The following CDH5 variants were observed in gnomAD, a reference collection of about 807,000 sequenced individuals.
CDH5 encodes the protein cadherin-5.
CDH5 carries 28 observed loss-of-function variants against 62.0 expected under a neutral mutation model. The ratio of observed to expected loss-of-function variants is 0.45; its 90% confidence interval spans 0.33 to 0.62. CDH5 has a LOEUF of 0.62. Among genes scored for constraint, CDH5 ranks in the 20% least tolerant of loss-of-function variants. CDH5 has a pLI of 0.02. For synonymous variants in CDH5, 464 were observed against 445.8 expected, an observed-to-expected ratio of 1.04 and a Z score of -0.52; for missense variants, 940 against 1,065.1, an observed-to-expected ratio of 0.88 and a Z score of 1.63.
rs907777703 is a variant in CDH5, at chr16:66,389,503, C to T, written c.762C>T (p.Asn254=). The change falls in exon 5 of 12, where the codon AAC becomes AAT. Residue 254 remains asparagine (N), a synonymous_variant. Coordinates refer to ENST00000341529, the MANE Select transcript of CDH5 (RefSeq NM_001795.5). The part of the protein sequence containing the change: ...VLVTLQDIND[N]FPFFTQTKYT... ...TCACTCTGCAAGACATCAATGACAA[C>T]TTCCCCTTCTTCACCCAGAGTGAGC... is the stretch of plus-strand genomic sequence containing the variant. 3 of 1,595,952 alleles carry T rather than the reference C, an allele frequency of 1.9e-6. No individual in the cohort carries two copies. The highest frequency in any genetic ancestry group is 1.7e-5 in the Admixed American group (1 of 58,922).
chr16:66,399,718 C>T (rs1275007477), intron 10 of CDH5, among the ~76,000 whole-genome samples: 2 of 152,166 alleles, frequency 1.3e-5, no homozygotes, highest in African/African-American at 4.8e-5. Flanking sequence ...AGATTCAGTG[C>T]CACCCCAAAG....
intron 1 of CDH5, among the ~76,000 whole-genome samples, chr16:66,373,342 A>C (rs1404896094): frequency 6.6e-6 from 1 of 152,082 alleles, no homozygotes. Flanking sequence ...TTTCCTCTGC[A>C]TCATGATGGG....
chr16:66,379,699 G>A, intron 2 of CDH5, 152 bp downstream of exon 2: 1 of 672,174 alleles, frequency 1.5e-6, no homozygotes, highest in Non-Finnish European at 2.6e-6. Flanking sequence ...TAGCAATAGT[G>A]GTAGAGGTCG....
Position 66,388,382 on chromosome 16 carries a change from C to T in CDH5, c.558C>T (p.His186=), listed in dbSNP as rs540880709. The T allele has an allele frequency of 1.1e-5, 17 of 1,614,040 alleles. No individual in the cohort carries two copies. Among genetic ancestry groups the T allele is most frequent in the East Asian group, 8.9e-5 (4 of 44,884 alleles). ...VDADDPTVGD[H]ASVMYQILKG... Reference sequence around the variant, plus strand: ...CAGACGACCCCACTGTGGGAGACCACGCCTCTGTCATGTACCAAATCCTGA... The same window carrying T: ...CAGACGACCCCACTGTGGGAGACCATGCCTCTGTCATGTACCAAATCCTGA... Residue 186 remains histidine (H), a synonymous_variant, in exon 4 of 12, where the codon CAC becomes CAT. Coordinates refer to ENST00000341529, the MANE Select transcript of CDH5 (RefSeq NM_001795.5).
At chr16:66,399,567 G>A (rs1472367398) in intron 10 of CDH5, among the ~76,000 whole-genome samples, 2 of 152,278 alleles carry the variant, frequency 1.3e-5, no homozygotes, top group Admixed American at 1.3e-4. Flanking sequence ...TGGAGAAGGT[G>A]GCCCTGATGT....
rs56865894 is a variant in CDH5 at position 66,385,988 on chromosome 16, A to G, written c.211-821A>G. On this transcript the variant is annotated intron_variant, in intron 2 of 11. Transcript: ENST00000341529. Reference sequence around the variant, plus strand: ...ACAGCAGAAGAGTTCAGTGTTTCCCAGAACTCATCTTCAAAAGTGCTGTTC... The same window carrying G: ...ACAGCAGAAGAGTTCAGTGTTTCCCGGAACTCATCTTCAAAAGTGCTGTTC... Among the ~76,000 whole-genome samples the G allele has an allele frequency of 2.4e-3, 372 of 152,352 alleles. 1 individual carries two copies. The highest frequency in any genetic ancestry group is 8.7e-3 in the African/African-American group (361 of 41,574).
chr16:66,388,423 T>G lies in CDH5; in HGVS notation c.599T>G (p.Phe200Cys). 1 of 1,609,934 alleles carries G rather than the reference T, an allele frequency of 6.2e-7. No individual in the cohort carries two copies. Residue 200 changes from phenylalanine (F) to cysteine (C), a missense_variant, in exon 4 of 12, where the codon TTT (phenylalanine) becomes TGT (cysteine). Coordinates refer to ENST00000341529, the MANE Select transcript of CDH5 (RefSeq NM_001795.5). Reference sequence around the variant, plus strand: ...CAAATCCTGAAGGGGAAAGAGTATTTTGCCATCGATAATTCTGGTCTGTGT... The same window carrying G: ...CAAATCCTGAAGGGGAAAGAGTATTGTGCCATCGATAATTCTGGTCTGTGT... The part of the protein sequence containing the change: ...MYQILKGKEY[F>C]AIDNSGRIIT...
At chr16:66,390,066 C>T (rs1363849151) in intron 5 of CDH5, among the ~76,000 whole-genome samples, 11 of 152,176 alleles carry the variant, frequency 7.2e-5, no homozygotes, top group Admixed American at 7.2e-4. Flanking sequence ...GTTCAGCCAC[C>T]CTAGAGACAG....
chr16:66,374,743 G>A (rs952419069), intron 1 of CDH5, among the ~76,000 whole-genome samples: 1 of 147,812 alleles, frequency 6.8e-6, no homozygotes, highest in Non-Finnish European at 1.5e-5. Flanking sequence ...TATTCTGAAT[G>A]TGTTAGTTTT....
rs1471232402 is a variant in CDH5 at position 66,400,818 on chromosome 16, C to G, written c.1639C>G (p.His547Asp). Residue 547 changes from histidine (H) to aspartate (D), a missense_variant, in exon 11 of 12, where the codon CAT (histidine) becomes GAT (aspartate). Physicochemically the swap from His to Asp is moderately conservative, Grantham distance 81. Coordinates refer to ENST00000341529, the MANE Select transcript of CDH5 (RefSeq NM_001795.5). ...TVKYGQFDRE[H>D]TKVHFLPVVI... ...CAAGTATGGGCAGTTTGACCGGGAGCATACCAAGGTCCACTTCCTACCCGT... is the reference window on the plus strand; with the variant it reads ...CAAGTATGGGCAGTTTGACCGGGAGGATACCAAGGTCCACTTCCTACCCGT... 6.2e-7 allele frequency: 1 copy of G among 1,614,080 alleles called. No homozygotes were observed. The highest frequency in any genetic ancestry group is 1.3e-5 in the African/African-American group (1 of 74,938).
In CDH5 at chr16:66,373,009, A is replaced by G. The variant is rs531008571; in HGVS notation, c.-20+6251A>G. ...GGTACCTGGCCTCGGCGTGCTCAGAACCTACATCTGAGTTGCCAAGCGTGG... is the reference window on the plus strand; with the variant it reads ...GGTACCTGGCCTCGGCGTGCTCAGAGCCTACATCTGAGTTGCCAAGCGTGG... On this transcript the variant is annotated intron_variant, in intron 1 of 11. Coordinates refer to ENST00000341529, the MANE Select transcript of CDH5 (RefSeq NM_001795.5). 1.8e-3 allele frequency among the ~76,000 whole-genome samples: 273 copies of G among 152,246 alleles called. 2 individuals carry two copies. The highest frequency in any genetic ancestry group is 6.3e-3 in the African/African-American group (263 of 41,566).
At chr16:66,397,844 C>T in intron 8 of CDH5, 138 bp from the exon 9 acceptor site, 2 of 873,002 alleles carry the variant, frequency 2.3e-6, no homozygotes, top group Non-Finnish European at 1.8e-6. Context: ...TTATCCAGAA[C>T]ACCATCCTGG....
At chr16:66,380,789 A>G (rs906419505) in intron 2 of CDH5, among the ~76,000 whole-genome samples, 7 of 149,722 alleles carry the variant, frequency 4.7e-5, no homozygotes, top group African/African-American at 1.8e-4. Flanking sequence ...GGTGGTGATG[A>G]TGGTGGTGGT....
chr16:66,395,502 T>C (rs933087937), intron 7 of CDH5: 1 of 118,668 alleles, frequency 8.4e-6, no homozygotes, highest in East Asian at 2.6e-4. Flanking sequence ...ACTTTTCTTT[T>C]CTTTTTTTTT....
intron 4 of CDH5, 78 bp from the exon 5 acceptor site, chr16:66,389,280 G>T: frequency 7.0e-7 from 1 of 1,432,356 alleles, no homozygotes; most frequent in East Asian, 2.3e-5. Context: ...CTTAAGTCAG[G>T]TTCTCTCTGG....
chr16:66,391,369 G>A (rs1231723276), intron 6 of CDH5, among the ~76,000 whole-genome samples: 3 of 152,112 alleles, frequency 2.0e-5, no homozygotes, highest in African/African-American at 7.2e-5. Context: ...CTGCTAGGAG[G>A]GGTTTCTGAG....
chr16:66,396,305 T>G, intron 8 of CDH5, 104 bp downstream of exon 8: 2 of 1,433,204 alleles, frequency 1.4e-6, no homozygotes, highest in Non-Finnish European at 1.9e-6. Flanking sequence ...GTATTAGAAG[T>G]GCCTGCTGAA....
intron 8 of CDH5, among the ~76,000 whole-genome samples, chr16:66,396,723 G>A (rs955948707): frequency 6.6e-6 from 1 of 152,204 alleles, no homozygotes; most frequent in Non-Finnish European, 1.5e-5. Context: ...TCTAGAAATT[G>A]TGTAATTTTT....
chr16:66,386,246 T>TAC (rs985530690), intron 2 of CDH5, among the ~76,000 whole-genome samples: 1 of 152,118 alleles, frequency 6.6e-6, no homozygotes, highest in African/African-American at 2.4e-5. Context: ...GAACAACTCA[T>TAC]TGGTGACTAG....
Sources: gnomAD v4.1 joint callset for allele counts (sites outside exome capture counted in the v4.1 genomes callset) on GRCh38, gnomAD v4.1.1 for gene constraint, MANE v1.5 for transcripts, NCBI Gene and HGNC (gene_info 2026-07-23, HGNC 2026-07-21) for gene names.